Variants in RTN4 observed in about 807,000 individuals in gnomAD.
RTN4 encodes the protein reticulon 4.
In RTN4, 32 loss-of-function variants were observed where a neutral mutation model predicts 90.4. That is an observed-to-expected ratio of 0.35 (90% CI 0.27 to 0.48). The LOEUF is 0.48. Among genes scored for constraint, RTN4 ranks in the 20% least tolerant of loss-of-function variants. The pLI, the probability that RTN4 is intolerant of heterozygous loss-of-function variation, is 0.99. For missense variants in RTN4, 1,706 were observed against 1,430.2 expected (o/e 1.19, Z -3.11); for synonymous variants, 629 against 552.5 (o/e 1.14, Z -1.94).
chr2:55,024,789 A>G (rs569877571), intron 3 of RTN4, among the ~76,000 whole-genome samples: 2 of 152,140 alleles, frequency 1.3e-5, no homozygotes, highest in African/African-American at 4.8e-5. Flanking sequence ...ACAAGTGAAA[A>G]AAGAAAGAAA....
At chr2:55,058,876 T>A (rs10206588) in intron 2 of RTN4, among the ~76,000 whole-genome samples, 22,745 of 151,738 alleles carry the variant, frequency 0.15, 2,823 homozygotes, top group African/African-American at 0.34. Flanking sequence ...ATTTTTTTTT[T>A]AAATTATAAT....
At chr2:54,986,183 C>T (rs1013574346) in intron 4 of RTN4, among the ~76,000 whole-genome samples, 2 of 151,936 alleles carry the variant, frequency 1.3e-5, no homozygotes, top group Admixed American at 6.5e-5. Flanking sequence ...TATAGAGGGC[C>T]GGTGCATTTT....
the RTN4 span, among the ~76,000 whole-genome samples, chr2:55,121,565 A>C: frequency 1.3e-5 from 2 of 152,256 alleles, no homozygotes; most frequent in Non-Finnish European, 2.9e-5. Context: ...TTATAATCAT[A>C]GAGCATCTAT....
chr2:55,083,057 A>C (rs1307064357), intron 1 of RTN4, among the ~76,000 whole-genome samples: 1 of 152,266 alleles, frequency 6.6e-6, no homozygotes, highest in East Asian at 1.9e-4. Context: ...TAACAGTAAC[A>C]ACATCAACAA....
At chr2:55,113,741 G>A (rs1668077799), upstream of RTN4, among the ~76,000 whole-genome samples, 1 of 152,188 alleles carries the variant, frequency 6.6e-6, no homozygotes, top group Non-Finnish European at 1.5e-5. Flanking sequence ...TGTAGAAGGT[G>A]AGGGAGAGGT....
chr2:54,974,207 G>A, intron 6 of RTN4: 1 of 255,266 alleles, frequency 3.9e-6, no homozygotes, highest in Non-Finnish European at 7.6e-6. Context: ...GTTAGTAGGA[G>A]CTGTCTTCAG....
chr2:55,091,555 C>T (rs763970361), intron 1 of RTN4, among the ~76,000 whole-genome samples: 2 of 152,204 alleles, frequency 1.3e-5, no homozygotes, highest in Non-Finnish European at 2.9e-5. Flanking sequence ...AGGCCAGCTG[C>T]AGTAGCTTGT....
intron 3 of RTN4, among the ~76,000 whole-genome samples, chr2:55,003,485 CTCAG>C (rs1425405413): frequency 1.3e-5 from 2 of 152,220 alleles, no homozygotes; most frequent in African/African-American, 4.8e-5. Context: ...TACACACACA[CTCAG>C]TAATATGTCA....
At chr2:55,012,387 T>G (rs1172967911) in intron 3 of RTN4, among the ~76,000 whole-genome samples, 2 of 151,766 alleles carry the variant, frequency 1.3e-5, no homozygotes, top group African/African-American at 4.9e-5. Context: ...TCTTTAATTT[T>G]TATGGTCTTT....
the RTN4 span, among the ~76,000 whole-genome samples, chr2:55,130,263 AATGTTT>A: frequency 6.6e-6 from 1 of 152,232 alleles, no homozygotes; most frequent in Non-Finnish European, 1.5e-5. Context: ...CAATATGCAC[AATGTTT>A]ATGTTTATAT....
chr2:55,111,464 C>G (rs1452936171), intron 1 of RTN4, among the ~76,000 whole-genome samples: 1 of 152,200 alleles, frequency 6.6e-6, no homozygotes, highest in African/African-American at 2.4e-5. Context: ...CTTACTCAAC[C>G]TCAGACAGAA....
intron 1 of RTN4, among the ~76,000 whole-genome samples, chr2:55,043,335 G>A (rs1448799973): frequency 2.0e-5 from 3 of 152,184 alleles, no homozygotes; most frequent in Non-Finnish European, 4.4e-5. Context: ...GGGTTCCAGG[G>A]AAGAATCAAG....
At chr2:55,012,768 C>G (rs1389184499) in intron 3 of RTN4, among the ~76,000 whole-genome samples, 1 of 152,086 alleles carries the variant, frequency 6.6e-6, no homozygotes, top group Non-Finnish European at 1.5e-5. Flanking sequence ...TAGGCAATAA[C>G]CCAATCTTTC....
intron 2 of RTN4, among the ~76,000 whole-genome samples, chr2:55,066,749 C>G (rs1668401769): frequency 6.6e-6 from 1 of 151,512 alleles, no homozygotes; most frequent in Non-Finnish European, 1.5e-5. Flanking sequence ...TTTACAAGGC[C>G]TTATTAATCT....
At chr2:54,976,447 G>C (rs1429492831) in intron 5 of RTN4, among the ~76,000 whole-genome samples, 2 of 152,198 alleles carry the variant, frequency 1.3e-5, no homozygotes, top group South Asian at 2.1e-4. Flanking sequence ...GGAGAGAACT[G>C]AGGCACACAG....
upstream of RTN4, chr2:55,050,502 C>T (rs200975003): frequency 8.7e-5 from 35 of 404,012 alleles, no homozygotes; most frequent in Non-Finnish European, 1.4e-4. The surrounding 1 kb of genome is among the most constrained non-coding windows in gnomAD (Gnocchi z 4.6). Context: ...CGCCCTGTCC[C>T]CACTTGCCGC....
Position 55,033,971 on chromosome 2 carries a change from T to C in RTN4, c.557-5751A>G, listed in dbSNP as rs374761099. ...CTGTACTATCAAATACTAGAACTTA[T>C]TCCTTCTATCCAACTGTATTTTTGT... On this transcript the variant is annotated intron_variant, in intron 1 of 8. Transcript: ENST00000337526. 2.0e-5 allele frequency among the ~76,000 whole-genome samples: 3 copies of C among 152,232 alleles called. No homozygotes were observed. In the East Asian group the frequency reaches 5.8e-4, roughly 29 times the overall value.
rs1209599540 is a variant in RTN4, at chr2:54,972,997, AT to A, written c.*158del. Reference sequence around the variant, plus strand: ...GAACACATGGCAGTCAAGACAGGTAATTTTTCCTCACAACAGTGCATGGCTA... The same window carrying A: ...GAACACATGGCAGTCAAGACAGGTAATTTTCCTCACAACAGTGCATGGCTA... On this transcript the variant is annotated 3_prime_UTR_variant, in exon 9 of 9. Coordinates refer to ENST00000337526, the MANE Select transcript of RTN4 (RefSeq NM_020532.5). The A allele has an allele frequency of 3.6e-6, 2 of 552,608 alleles. No individual in the cohort carries two copies. Among genetic ancestry groups the A allele is most frequent in the Non-Finnish European group, 6.5e-6 (2 of 308,688 alleles). 34.2% of individuals were successfully genotyped at this position (552,608 alleles called of 1,614,324 possible).
At chr2:55,022,005 C>T (rs1334005159) in intron 3 of RTN4, among the ~76,000 whole-genome samples, 1 of 152,222 alleles carries the variant, frequency 6.6e-6, no homozygotes, top group East Asian at 1.9e-4. Flanking sequence ...ATTGCTTACA[C>T]TTTCTTCCAC....
Sources: gnomAD v4.1 joint callset for allele counts (sites outside exome capture counted in the v4.1 genomes callset) on GRCh38, gnomAD v4.1.1 for gene constraint, Gnocchi (gnomAD v3.1) non-coding constraint, MANE v1.5 for transcripts, NCBI Gene and HGNC (gene_info 2026-07-23, HGNC 2026-07-21) for gene names.